Variants in CTNNA3 observed in about 807,000 individuals in gnomAD.
CTNNA3 encodes the protein catenin alpha-3.
Under a neutral mutation model 95.7 loss-of-function variants are expected in CTNNA3, and 76 were observed. The ratio of observed to expected loss-of-function variants is 0.79; its 90% CI spans 0.66 to 0.96. The LOEUF is 0.96. Among genes scored for constraint, CTNNA3 ranks in the 40% least tolerant of loss-of-function variants. CTNNA3 has a pLI of 0.00. For synonymous variants in CTNNA3, 431 were observed against 374.4 expected, an observed-to-expected ratio of 1.15 and a Z score of -1.74; for missense variants, 1,191 against 1,089.8, an observed-to-expected ratio of 1.09 and a Z score of -1.31.
chr10:67,591,398 A>G (rs1479284183), intron 3 of CTNNA3, among the ~76,000 whole-genome samples: 1 of 152,194 alleles, frequency 6.6e-6, no homozygotes, highest in Non-Finnish European at 1.5e-5. Context: ...CAAACCTACA[A>G]GAGAGCCATA....
At chr10:66,711,877 T>A (rs1201876879) in intron 9 of CTNNA3, among the ~76,000 whole-genome samples, 4 of 152,108 alleles carry the variant, frequency 2.6e-5, no homozygotes, top group Admixed American at 2.6e-4. Flanking sequence ...AACCTTACTT[T>A]CAAAAGTTCT....
chr10:66,199,531 T>C, intron 13 of CTNNA3, among the ~76,000 whole-genome samples: 1 of 151,586 alleles, frequency 6.6e-6, no homozygotes, highest in Non-Finnish European at 1.5e-5. Flanking sequence ...CCTACGTTCA[T>C]TTTATGACAT....
At chr10:66,597,209 T>C (rs1165210060) in intron 10 of CTNNA3, among the ~76,000 whole-genome samples, 3 of 151,856 alleles carry the variant, frequency 2.0e-5, no homozygotes, top group Non-Finnish European at 4.4e-5. Context: ...AGCTGCATTA[T>C]GGGAGCCCTA....
At chr10:65,990,738 T>C (rs1172612840) in intron 15 of CTNNA3, among the ~76,000 whole-genome samples, 1 of 152,016 alleles carries the variant, frequency 6.6e-6, no homozygotes, top group Non-Finnish European at 1.5e-5. Flanking sequence ...CTGTTGATTA[T>C]TTCTTTTGAT....
intron 7 of CTNNA3, among the ~76,000 whole-genome samples, chr10:67,133,509 G>A (rs1860142571): frequency 6.6e-6 from 1 of 151,372 alleles, no homozygotes. Context: ...AAATACAAAG[G>A]AGCAAAGGAA....
chr10:66,330,046 T>C (rs2092305685), intron 12 of CTNNA3, among the ~76,000 whole-genome samples: 1 of 152,074 alleles, frequency 6.6e-6, no homozygotes, highest in Non-Finnish European at 1.5e-5. Context: ...AGTTGTGAAA[T>C]ATGAAAAAGA....
At chr10:66,307,222 T>C (rs1180038919) in intron 12 of CTNNA3, among the ~76,000 whole-genome samples, 3 of 152,202 alleles carry the variant, frequency 2.0e-5, no homozygotes, top group Non-Finnish European at 4.4e-5. Flanking sequence ...AATTTTTACA[T>C]GTGATTTTCA....
intron 11 of CTNNA3, among the ~76,000 whole-genome samples, chr10:66,399,565 T>C (rs1423994528): frequency 1.3e-5 from 2 of 151,948 alleles, no homozygotes; most frequent in African/African-American, 4.8e-5. Context: ...AGGAACTAAA[T>C]AAGAACTGGA....
intron 7 of CTNNA3, among the ~76,000 whole-genome samples, chr10:66,870,072 G>T (rs2132436989): frequency 1.3e-5 from 2 of 152,226 alleles, no homozygotes; most frequent in Admixed American, 1.3e-4. Context: ...GATTTACCAT[G>T]GCAGTATCCC....
chr10:66,014,229 C>A (rs1324192151), intron 15 of CTNNA3, among the ~76,000 whole-genome samples: 1 of 152,052 alleles, frequency 6.6e-6, no homozygotes, highest in Non-Finnish European at 1.5e-5. Context: ...TGCATTTAAG[C>A]TCAGATTTTT....
intron 1 of CTNNA3, among the ~76,000 whole-genome samples, chr10:67,711,586 T>C: frequency 1.3e-5 from 2 of 152,258 alleles, no homozygotes; most frequent in African/African-American, 4.8e-5. Flanking sequence ...TATTTATTTA[T>C]TTATTTTTTA....
chr10:66,224,941 G>A (rs1995667), intron 13 of CTNNA3, among the ~76,000 whole-genome samples: 44,368 of 151,190 alleles, frequency 0.29, 6,903 homozygotes, highest in Admixed American at 0.41. Context: ...TATTTATGTC[G>A]TACAAAATAA....
chr10:67,527,257 A>AAAGAT (rs1840173661), intron 4 of CTNNA3, among the ~76,000 whole-genome samples: 2 of 152,282 alleles, frequency 1.3e-5, no homozygotes, highest in South Asian at 2.1e-4. Flanking sequence ...ACTTCATCTC[A>AAAGAT]AAGATAAGAT....
chr10:66,551,312 C>T (rs903744300), intron 10 of CTNNA3, among the ~76,000 whole-genome samples: 1 of 151,910 alleles, frequency 6.6e-6, no homozygotes, highest in African/African-American at 2.4e-5. Flanking sequence ...TCTGATGAGA[C>T]ATTCTCATCA....
intron 5 of CTNNA3, among the ~76,000 whole-genome samples, chr10:67,364,056 C>T (rs1044847134): frequency 6.6e-6 from 1 of 152,196 alleles, no homozygotes; most frequent in Non-Finnish European, 1.5e-5. Context: ...GCCTGATGAA[C>T]ATCAATGCAA....
chr10:66,340,257 T>C (rs1442527757), intron 12 of CTNNA3, among the ~76,000 whole-genome samples: 1 of 151,774 alleles, frequency 6.6e-6, no homozygotes, highest in East Asian at 1.9e-4. Flanking sequence ...TCACATTCAG[T>C]ATAAAAAGTG....
At chr10:67,075,380 G>A (rs1435563213) in intron 7 of CTNNA3, among the ~76,000 whole-genome samples, 1 of 152,168 alleles carries the variant, frequency 6.6e-6, no homozygotes, top group Admixed American at 6.5e-5. Context: ...TACCCTGAGA[G>A]AGATGCCAGT....
chr10:67,378,492 G>A (rs571039943), intron 5 of CTNNA3, among the ~76,000 whole-genome samples: 1 of 149,138 alleles, frequency 6.7e-6, no homozygotes, highest in African/African-American at 2.4e-5. Context: ...TTCTGTTTCA[G>A]GGTCCAATCA....
chr10:67,436,115 T>C (rs920256661), intron 5 of CTNNA3, among the ~76,000 whole-genome samples: 6 of 151,952 alleles, frequency 3.9e-5, no homozygotes, highest in Non-Finnish European at 8.8e-5. Flanking sequence ...GGTACTGGTA[T>C]AAAAATAGAC....
Sources: allele counts gnomAD v4.1 joint callset (sites outside exome capture counted in the v4.1 genomes callset), GRCh38; gene constraint gnomAD v4.1.1; transcripts MANE v1.5; gene names NCBI Gene and HGNC (gene_info 2026-07-23, HGNC 2026-07-21).